The following CATSPERB variants were observed in gnomAD, a reference collection of about 807,000 sequenced individuals.
CATSPERB encodes the protein cation channel sperm-associated auxiliary subunit beta.
Under a neutral mutation model 128.3 loss-of-function variants are expected in CATSPERB, and 93 were observed. The ratio of observed to expected loss-of-function variants is 0.72; its 90% CI spans 0.61 to 0.86. The LOEUF (loss-of-function observed/expected upper bound fraction) is 0.86, where lower values mean the gene tolerates loss of function less well. CATSPERB is among the 40% of genes least tolerant of loss of function. The pLI, the probability that CATSPERB is intolerant of heterozygous loss-of-function variation, is 0.00. For synonymous variants in CATSPERB, 381 were observed against 448.8 expected, an observed-to-expected ratio of 0.85 and a Z score of 1.91; for missense variants, 1,153 against 1,329.5, an observed-to-expected ratio of 0.87 and a Z score of 2.06.
intron 6 of CATSPERB, among the ~76,000 whole-genome samples, chr14:91,705,777 A>G (rs1400591074): frequency 1.3e-5 from 2 of 152,226 alleles, no homozygotes; most frequent in African/African-American, 4.8e-5. Context: ...AACTAGAAGA[A>G]TCAGGGTACA....
intron 17 of CATSPERB, among the ~76,000 whole-genome samples, chr14:91,626,425 C>A (rs562864133): frequency 1.6e-5 from 2 of 121,800 alleles, no homozygotes; most frequent in African/African-American, 6.2e-5. Flanking sequence ...AGTGCAGTGG[C>A]GCCATCTCAG....
chr14:91,690,395 G>A (rs1310056258), intron 10 of CATSPERB, among the ~76,000 whole-genome samples: 2 of 152,076 alleles, frequency 1.3e-5, no homozygotes, highest in African/African-American at 4.8e-5. Context: ...GTAGCAAACA[G>A]CATAGACAGG....
chr14:91,699,535 G>A (rs1278408534), intron 7 of CATSPERB, among the ~76,000 whole-genome samples: 2 of 151,144 alleles, frequency 1.3e-5, no homozygotes, highest in Admixed American at 1.3e-4. Context: ...AACCAATTTT[G>A]CATCCCAGGA....
In CATSPERB at chr14:91,669,912, A is replaced by T. The variant is rs1566725553; in HGVS notation, c.1189T>A (p.Ser397Thr). The change falls in exon 14 of 27, where the codon TCA (serine) becomes ACA (threonine). Residue 397 changes from serine (S) to threonine (T), a missense_variant. Coordinates refer to ENST00000256343, the MANE Select transcript of CATSPERB (RefSeq NM_024764.4). ...GGAAACCGAAAAATTGGAAATTTTG[A>T]TTGTGAATTTGGTTCATTATTTCTC... is the stretch of plus-strand genomic sequence containing the variant. ...TLRNNEPNSQSKFPIFRFPSS... is the reference protein window; with the variant it reads ...TLRNNEPNSQTKFPIFRFPSS... 1 of 1,613,606 alleles carries T rather than the reference A, an allele frequency of 6.2e-7. No individual in the cohort carries two copies. The highest frequency in any genetic ancestry group is 8.5e-7 in the Non-Finnish European group (1 of 1,179,852).
chr14:91,705,666 C>A (rs768912332), intron 6 of CATSPERB, among the ~76,000 whole-genome samples: 11 of 152,132 alleles, frequency 7.2e-5, no homozygotes, highest in Non-Finnish European at 1.5e-4. Flanking sequence ...ATTTTTCAGT[C>A]CTCAATGTGA....
intron 26 of CATSPERB, among the ~76,000 whole-genome samples, chr14:91,582,706 G>A (rs1743178): frequency 6.6e-6 from 1 of 151,848 alleles, no homozygotes; most frequent in African/African-American, 2.4e-5. Flanking sequence ...TATTCTGAGT[G>A]CATAAAGGCC....
At chr14:91,664,259 C>CTTTTTTTTTTTTTTT (rs750623098) in intron 14 of CATSPERB, among the ~76,000 whole-genome samples, 1 of 115,716 alleles carries the variant, frequency 8.6e-6, no homozygotes. Context: ...TCTTCCATGT[C>CTTTTTTTTTTTTTTT]TTTTTTTTTT....
At chr14:91,712,545 A>C (rs559090481) in intron 5 of CATSPERB, among the ~76,000 whole-genome samples, 1 of 152,358 alleles carries the variant, frequency 6.6e-6, no homozygotes, top group South Asian at 2.1e-4. Context: ...CAGTTATAAA[A>C]CAATAACAAA....
At chr14:91,718,297 T>C (rs1454063285) in intron 5 of CATSPERB, among the ~76,000 whole-genome samples, 1 of 152,256 alleles carries the variant, frequency 6.6e-6, no homozygotes, top group Non-Finnish European at 1.5e-5. Flanking sequence ...ATACAATCTA[T>C]GCCAGATGTT....
intron 14 of CATSPERB, among the ~76,000 whole-genome samples, chr14:91,669,059 G>A (rs552420128): frequency 3.3e-5 from 5 of 152,158 alleles, no homozygotes; most frequent in South Asian, 4.2e-4. Context: ...ACCCCGTCTC[G>A]GACAGTTCTT....
intron 15 of CATSPERB, among the ~76,000 whole-genome samples, chr14:91,646,640 A>G (rs914783208): frequency 2.6e-5 from 4 of 152,178 alleles, no homozygotes; most frequent in African/African-American, 4.8e-5. Flanking sequence ...TGCTTCAGCT[A>G]CACGAGCCTG....
intron 15 of CATSPERB, among the ~76,000 whole-genome samples, chr14:91,656,749 CTGTTGCCTGCAAG>C (rs1408773347): frequency 6.6e-6 from 1 of 151,992 alleles, no homozygotes; most frequent in Non-Finnish European, 1.5e-5. Context: ...TCCCAGTGAT[CTGTTGCCTGCAAG>C]AAACACACTT....
intron 15 of CATSPERB, among the ~76,000 whole-genome samples, chr14:91,646,399 C>T (rs914709722): frequency 2.0e-5 from 3 of 152,194 alleles, no homozygotes; most frequent in African/African-American, 7.2e-5. Context: ...CCGAATTGGT[C>T]TCTGTGATTC....
rs142656269 is a variant in CATSPERB at position 91,716,633 on chromosome 14, C to T, written c.370+2785G>A. ...AACAAAAAACCACACAATTAAATGC[C>T]ACTACACTTTTTTTTAGAATGGCTA... On this transcript the variant is annotated intron_variant, in intron 5 of 26. Transcript: ENST00000256343. Among the ~76,000 whole-genome samples the T allele has an allele frequency of 5.8e-3, 884 of 151,810 alleles. 9 individuals carry two copies. Among genetic ancestry groups the T allele is most frequent in the Non-Finnish European group, 8.9e-3 (606 of 67,906 alleles).
chr14:91,694,426 G>A (rs1423276890), intron 7 of CATSPERB, among the ~76,000 whole-genome samples: 1 of 96,740 alleles, frequency 1.0e-5, no homozygotes, highest in Non-Finnish European at 1.9e-5. Context: ...GAGACAAAGA[G>A]AGACCCTATC....
Position 91,605,043 on chromosome 14 carries a change from A to C in CATSPERB, c.2709+3251T>G, listed in dbSNP as rs1893675317. 3.4e-6 allele frequency: 4 copies of C among 1,191,526 alleles called. No homozygotes were observed. In the East Asian group the frequency reaches 9.3e-5, roughly 28 times the overall value. The allele number at this position is 1,191,526 out of a possible 1,614,324, so 73.8% of individuals were successfully genotyped here. On this transcript the variant is annotated intron_variant, in intron 22 of 26. Transcript: ENST00000256343. ...ACAGTTCTGGTCTTCTGTTTCTTGA[A>C]TGGGACCTTGTCTTCCTTTTTTCTG...
At chr14:91,654,220 C>T (rs1387798855) in intron 15 of CATSPERB, among the ~76,000 whole-genome samples, 1 of 152,092 alleles carries the variant, frequency 6.6e-6, no homozygotes, top group Non-Finnish European at 1.5e-5. Flanking sequence ...AACAATGATC[C>T]ACACAAGAAA....
At chr14:91,641,392 C>A (rs1177392935) in intron 15 of CATSPERB, among the ~76,000 whole-genome samples, 2 of 151,500 alleles carry the variant, frequency 1.3e-5, no homozygotes, top group Non-Finnish European at 2.9e-5. Context: ...AATCTTTAAT[C>A]CATCTTGAAT....
intron 22 of CATSPERB, among the ~76,000 whole-genome samples, chr14:91,601,910 C>A (rs1342614726): frequency 6.6e-6 from 1 of 151,946 alleles, no homozygotes; most frequent in Non-Finnish European, 1.5e-5. Flanking sequence ...CATAAAAGGC[C>A]ACCACACTTC....
Sources: allele counts gnomAD v4.1 joint callset (sites outside exome capture counted in the v4.1 genomes callset), GRCh38; gene constraint gnomAD v4.1.1; transcripts MANE v1.5; gene names NCBI Gene and HGNC (gene_info 2026-07-23, HGNC 2026-07-21).